Variants in TYW1B observed in about 807,000 individuals in gnomAD.
TYW1B encodes tRNA-yW synthesizing protein 1 homolog B, also known as S-adenosyl-L-methionine-dependent tRNA 4-demethylwyosine synthase TYW1B.
TYW1B carries 73 observed loss-of-function variants against 86.9 expected under a neutral mutation model. The observed-to-expected ratio is 0.84, with a 90% CI of 0.70 to 1.02. The LOEUF (loss-of-function observed/expected upper bound fraction) is 1.02. Among genes scored for constraint, TYW1B ranks in the 50% least tolerant of loss-of-function variants. The pLI is 0.00. For missense variants in TYW1B, 637 were observed against 827.4 expected (o/e 0.77, Z 2.82); for synonymous variants, 248 against 292.8 (o/e 0.85, Z 1.56).
intron 4 of TYW1B, among the ~76,000 whole-genome samples, chr7:72,807,930 G>T (rs189377781): frequency 4.0e-4 from 61 of 152,146 alleles, no homozygotes; most frequent in Non-Finnish European, 7.8e-4. Flanking sequence ...ATCTACGCCA[G>T]GCGAAGTGTC....
rs200300861 is a variant in TYW1B at position 72,713,626 on chromosome 7, T to C, written c.1365A>G (p.Glu455=). 111 of 1,613,238 alleles carry C rather than the reference T, an allele frequency of 6.9e-5. No individual in the cohort carries two copies. Among genetic ancestry groups the C allele is most frequent in the Non-Finnish European group, 9.2e-5 (108 of 1,179,666 alleles). The change falls in exon 10 of 14, where the codon GAA becomes GAG. Residue 455 remains glutamate, a synonymous_variant. Coordinates refer to ENST00000620995, the MANE Select transcript of TYW1B (RefSeq NM_001145440.3). ...CCATAGGCTGGAGAACTCACCTGAT[T>C]TCCGCAGGAAATTGTGCATTTGTGA... ...FLVTNAQFPA[E]IRNLEPVTQL...
chr7:72,578,748 T>C (rs1433008937), intron 13 of TYW1B, among the ~76,000 whole-genome samples: 8 of 152,138 alleles, frequency 5.3e-5, no homozygotes, highest in Admixed American at 4.6e-4. Context: ...ATAGCGTGTA[T>C]AGTGGGTGAG....
intron 11 of TYW1B, among the ~76,000 whole-genome samples, chr7:72,679,761 TTATA>T (rs1171388138): frequency 6.6e-6 from 1 of 152,204 alleles, no homozygotes. Context: ...GGTTACATTA[TTATA>T]TAAAGTTTTA....
At chr7:72,669,446 C>G (rs1330451113) in intron 11 of TYW1B, among the ~76,000 whole-genome samples, 1 of 151,984 alleles carries the variant, frequency 6.6e-6, no homozygotes, top group Non-Finnish European at 1.5e-5. Flanking sequence ...TGCACCTGGC[C>G]TAATTCTGAA....
rs551999622 is a variant in TYW1B, at chr7:72,681,826, C to G, written c.1506+12861G>C. 5.9e-4 allele frequency among the ~76,000 whole-genome samples: 89 copies of G among 151,642 alleles called. 2 individuals are homozygous for G. The highest frequency in any genetic ancestry group is 7.4e-5 in the Non-Finnish European group (5 of 67,956). ...GGTCTCGACCTCCTGAACTCGTGAT[C>G]CACCCACCTCAGTCTCCCAAAGTGC... On this transcript the variant is annotated intron_variant, in intron 11 of 13. Transcript: ENST00000620995.
At chr7:72,578,316 C>T (rs1318709547) in intron 13 of TYW1B, among the ~76,000 whole-genome samples, 5 of 152,020 alleles carry the variant, frequency 3.3e-5, no homozygotes, top group South Asian at 2.1e-4. Flanking sequence ...GGGGTTTCAC[C>T]GTGTTAGCCA....
chr7:72,725,398 A>G (rs1222470241), intron 9 of TYW1B, among the ~76,000 whole-genome samples: 1 of 152,204 alleles, frequency 6.6e-6, no homozygotes, highest in Non-Finnish European at 1.5e-5. Flanking sequence ...ATCCTCAGTC[A>G]TCGTCCCATT....
intron 8 of TYW1B, among the ~76,000 whole-genome samples, chr7:72,730,988 T>C (rs1467765495): frequency 2.3e-5 from 3 of 129,970 alleles, no homozygotes; most frequent in African/African-American, 8.7e-5. Flanking sequence ...CAAAAGACAA[T>C]GACAAAGCAA....
rs566326728 is a variant in TYW1B, at chr7:72,595,241, T to C, written c.1786-19522A>G. Among the ~76,000 whole-genome samples the C allele has an allele frequency of 8.5e-4, 129 of 152,264 alleles. 1 individual carries two copies. Among genetic ancestry groups the C allele is most frequent in the African/African-American group, 3.0e-3 (123 of 41,550 alleles). On this transcript the variant is annotated intron_variant, in intron 13 of 13. Transcript: ENST00000620995. ...ATATGATGTTATATGTAGAAAATTA[T>C]AAAGATTCAACCAAAAAACTGTTTA...
At chr7:72,771,952 T>C (rs1424450144) in intron 7 of TYW1B, among the ~76,000 whole-genome samples, 2 of 151,808 alleles carry the variant, frequency 1.3e-5, no homozygotes, top group African/African-American at 4.8e-5. Context: ...GTTTAAACGA[T>C]TCTCATGCCT....
chr7:72,807,007 G>A, intron 5 of TYW1B, 59 bp downstream of exon 5: 1 of 1,567,674 alleles, frequency 6.4e-7, no homozygotes, highest in Non-Finnish European at 8.7e-7. Flanking sequence ...AAGAGCTCAA[G>A]CTCGAGATCT....
intron 13 of TYW1B, among the ~76,000 whole-genome samples, chr7:72,578,317 G>A (rs6976727): frequency 0.027 from 4,124 of 152,056 alleles, 73 homozygotes; most frequent in Non-Finnish European, 0.037. Context: ...GGGTTTCACC[G>A]TGTTAGCCAG....
intron 6 of TYW1B, among the ~76,000 whole-genome samples, chr7:72,795,395 TTTG>T (rs1396562206): frequency 3.3e-5 from 5 of 151,660 alleles, no homozygotes; most frequent in Non-Finnish European, 7.4e-5. Context: ...ACCATGTTTT[TTTG>T]TTGTTATTGT....
intron 13 of TYW1B, among the ~76,000 whole-genome samples, chr7:72,595,636 C>A (rs1290777061): frequency 2.0e-5 from 3 of 152,046 alleles, no homozygotes; most frequent in Non-Finnish European, 4.4e-5. Context: ...CAAGTTGAGA[C>A]CGTGCCACTG....
At chr7:72,653,674 A>G (rs1813120777) in intron 11 of TYW1B, among the ~76,000 whole-genome samples, 1 of 152,124 alleles carries the variant, frequency 6.6e-6, no homozygotes, top group African/African-American at 2.4e-5. Context: ...AGGCTGGTTC[A>G]ACATTCAAAA....
At chr7:72,817,745 A>G (rs1788750899) in intron 2 of TYW1B, among the ~76,000 whole-genome samples, 1 of 152,130 alleles carries the variant, frequency 6.6e-6, no homozygotes, top group African/African-American at 2.4e-5. Flanking sequence ...GTGGCTCAAG[A>G]GCTCCAGTTG....
chr7:72,806,329 G>A (rs371582734), intron 5 of TYW1B, among the ~76,000 whole-genome samples: 5 of 150,752 alleles, frequency 3.3e-5, no homozygotes, highest in East Asian at 4.0e-4. Flanking sequence ...TCCACCTCCC[G>A]GGTTCAAGCG....
intron 13 of TYW1B, among the ~76,000 whole-genome samples, chr7:72,593,301 G>T (rs79576148): frequency 8.6e-6 from 1 of 116,240 alleles, no homozygotes; most frequent in Non-Finnish European, 1.7e-5. Flanking sequence ...CTCAAAAAAA[G>T]AAAAAGAAAG....
At chr7:72,605,346 T>G (rs1301901678) in intron 13 of TYW1B, among the ~76,000 whole-genome samples, 2 of 151,812 alleles carry the variant, frequency 1.3e-5, no homozygotes, top group South Asian at 2.1e-4. Flanking sequence ...GTGGTTTTTT[T>G]TTTGTTTGTT....
Sources: allele counts gnomAD v4.1 joint callset (sites outside exome capture counted in the v4.1 genomes callset), GRCh38; gene constraint gnomAD v4.1.1; transcripts MANE v1.5; gene names NCBI Gene and HGNC (gene_info 2026-07-23, HGNC 2026-07-21).